Variants in PALLD observed in about 807,000 individuals in gnomAD.
The protein encoded by PALLD is palladin, cytoskeletal associated protein.
PALLD carries 61 observed loss-of-function variants against 123.5 expected under a neutral mutation model. The observed-to-expected ratio is 0.49, with a 90% CI of 0.40 to 0.61. The LOEUF (loss-of-function observed/expected upper bound fraction) is 0.61. Among genes scored for constraint, PALLD ranks in the 20% least tolerant of loss-of-function variants. The pLI, the probability that PALLD is intolerant of heterozygous loss-of-function variation, is 0.00. For missense variants in PALLD, 1,273 were observed against 1,377.0 expected, an observed-to-expected ratio of 0.92 and a Z score of 1.20; for synonymous variants, 465 against 496.4, an observed-to-expected ratio of 0.94 and a Z score of 0.84.
At chr4:168,750,984 A>ATG (rs56827421) in intron 10 of PALLD, among the ~76,000 whole-genome samples, 20,993 of 148,370 alleles carry the variant, frequency 0.14, 1,887 homozygotes, top group East Asian at 0.35. Flanking sequence ...TATTTTATAT[A>ATG]TGTGTGTGTG....
intron 2 of PALLD, among the ~76,000 whole-genome samples, chr4:168,667,388 T>G (rs1239261882): frequency 6.6e-6 from 1 of 152,218 alleles, no homozygotes; most frequent in East Asian, 1.9e-4. Context: ...TTGGGGTTTT[T>G]TTAGGGCAGC....
chr4:168,611,117 C>T (rs560009532), intron 2 of PALLD, among the ~76,000 whole-genome samples: 27 of 152,272 alleles, frequency 1.8e-4, no homozygotes, highest in African/African-American at 6.0e-4. Flanking sequence ...TCACTGGGGA[C>T]CAGGCCCTTC....
At chr4:168,801,832 C>T (rs1250078720) in intron 10 of PALLD, among the ~76,000 whole-genome samples, 3 of 152,190 alleles carry the variant, frequency 2.0e-5, no homozygotes, top group Non-Finnish European at 4.4e-5. Flanking sequence ...ATAACACCAG[C>T]TCTAGGACAT....
At chr4:168,511,008 A>C (rs539381425) in intron 1 of PALLD, among the ~76,000 whole-genome samples, 1 of 152,358 alleles carries the variant, frequency 6.6e-6, no homozygotes, top group East Asian at 1.9e-4. Flanking sequence ...ACTATAAATA[A>C]ATGAAAATTG....
chr4:168,519,681 A>AAC (rs10544686), intron 2 of PALLD, among the ~76,000 whole-genome samples: 104 of 151,316 alleles, frequency 6.9e-4, no homozygotes, highest in Middle Eastern at 3.4e-3. Context: ...ATTAGGCACA[A>AAC]ACACACACAC....
rs764883803 is a variant in PALLD at position 168,683,122 on chromosome 4, A to G, written c.1260+19A>G. 5.6e-6 allele frequency: 8 copies of G among 1,434,148 alleles called. No homozygotes were observed. The South Asian group carries it at 5.8e-5, about 10-fold the overall frequency. 88.8% of individuals were successfully genotyped at this position (1,434,148 alleles called of 1,614,324 possible). ...GCAACAGGTAAGTATGCTTTGAGCC[A>G]GAGCCCATAAGGGGTCGAACTCATC... On this transcript the variant is annotated intron_variant, in intron 5 of 21. Coordinates refer to ENST00000505667, the MANE Select transcript of PALLD (RefSeq NM_001166108.2).
At chr4:168,836,760 G>A (rs1745258297) in intron 10 of PALLD, among the ~76,000 whole-genome samples, 1 of 152,166 alleles carries the variant, frequency 6.6e-6, no homozygotes. Context: ...CTTTCAGATG[G>A]GTTGTGTTCT....
chr4:168,600,552 T>C (rs1772539442), intron 2 of PALLD, among the ~76,000 whole-genome samples: 1 of 152,156 alleles, frequency 6.6e-6, no homozygotes, highest in African/African-American at 2.4e-5. Flanking sequence ...AGCTTTTAGG[T>C]GAGGTCTTGT....
intron 2 of PALLD, among the ~76,000 whole-genome samples, chr4:168,538,814 T>C (rs987794060): frequency 2.6e-5 from 4 of 152,184 alleles, no homozygotes; most frequent in African/African-American, 9.7e-5. Flanking sequence ...GGCTTTCCCA[T>C]TGTGCAAGTG....
intron 14 of PALLD, 89 bp downstream of exon 14, chr4:168,898,803 T>C: frequency 1.2e-6 from 1 of 833,476 alleles, no homozygotes; most frequent in Non-Finnish European, 2.1e-6. Flanking sequence ...GAGAAAGAGA[T>C]ACAAATGATC....
At chr4:168,910,220 C>CTTTTTTT (rs70961563) in intron 15 of PALLD, among the ~76,000 whole-genome samples, 1 of 114,010 alleles carries the variant, frequency 8.8e-6, no homozygotes, top group Non-Finnish European at 1.8e-5. Flanking sequence ...AACCTGTTTA[C>CTTTTTTT]TTTTTTTTTT....
chr4:168,512,183 C>A lies in PALLD; in HGVS notation c.679C>A (p.Gln227Lys). 1 of 1,613,806 alleles carries A rather than the reference C, an allele frequency of 6.2e-7. No homozygotes were observed. Among genetic ancestry groups the A allele is most frequent in the Non-Finnish European group, 8.5e-7 (1 of 1,179,816 alleles). ...ASASQSPMED[Q>K]GEMEREVKSP... The stretch of plus-strand genomic sequence containing the variant: ...AGCCAGCCAGAGCCCTATGGAAGAC[C>A]AAGGGGAGATGGAAAGAGAGGTCAA... The change falls in exon 2 of 22, where the codon CAA becomes AAA. Residue 227 changes from glutamine (Q) to lysine (K), a missense_variant. This residue lies in a region of PALLD where 944 missense variants were observed against 954.5 expected (regional missense o/e 0.99). Transcript: ENST00000505667.
At chr4:168,826,912 C>T (rs1402797987) in intron 10 of PALLD, among the ~76,000 whole-genome samples, 1 of 152,222 alleles carries the variant, frequency 6.6e-6, no homozygotes, top group African/African-American at 2.4e-5. Flanking sequence ...GACATGCCTT[C>T]ACTAGATGAT....
chr4:168,674,479 A>G (rs1451404637), intron 3 of PALLD, among the ~76,000 whole-genome samples: 1 of 152,142 alleles, frequency 6.6e-6, no homozygotes, highest in Non-Finnish European at 1.5e-5. Context: ...TTGCCAGCAA[A>G]CAAGATAAGA....
intron 2 of PALLD, among the ~76,000 whole-genome samples, chr4:168,574,412 T>A (rs1051887218): frequency 1.3e-5 from 2 of 152,288 alleles, no homozygotes; most frequent in South Asian, 4.1e-4. Context: ...TTCTTACTTG[T>A]CTTCTTTTCT....
chr4:168,711,637 C>T lies in PALLD; in HGVS notation c.1678C>T (p.Gln560Ter). The T allele has an allele frequency of 6.2e-7, 1 of 1,614,116 alleles. No individual in the cohort carries two copies. Among genetic ancestry groups the T allele is most frequent in the Non-Finnish European group, 8.5e-7 (1 of 1,179,998 alleles). ...SMGESNNDHF[Q>*]HFPPPPPILE... ...GGGAGAATCCAACAATGACCACTTCCAACACTTTCCACCTCCCCCTCCAAT... is the reference window on the plus strand; with the variant it reads ...GGGAGAATCCAACAATGACCACTTCTAACACTTTCCACCTCCCCCTCCAAT... Residue 560 changes from glutamine (Q) to a stop codon, truncating the protein, a stop_gained, in exon 10 of 22, where the codon CAA becomes TAA. Transcript: ENST00000505667. LOFTEE classifies it high-confidence loss of function.
At position 168,665,061 on chromosome 4, in the gene PALLD, A is replaced by G. The variant is rs1223892195; in HGVS notation, c.909-3129A>G. 2.6e-5 allele frequency among the ~76,000 whole-genome samples: 4 copies of G among 152,334 alleles called. No homozygotes were observed. The East Asian group carries it at 7.7e-4, about 29-fold the overall frequency. The stretch of plus-strand genomic sequence containing the variant: ...TAATGATTGTGTTAAAAAATATTTC[A>G]CAAAATGATGTAGAAAATTCTTTGA... On this transcript the variant is annotated intron_variant, in intron 2 of 21. Coordinates refer to ENST00000505667, the MANE Select transcript of PALLD (RefSeq NM_001166108.2).
At chr4:168,691,341 A>T in intron 8 of PALLD, 49 bp downstream of exon 8, 1 of 1,502,632 alleles carries the variant, frequency 6.7e-7, no homozygotes, top group East Asian at 2.3e-5. Flanking sequence ...GGAGCAGATA[A>T]TGTATCTTTT....
Position 168,628,627 on chromosome 4 carries a change from G to A in PALLD, c.909-39563G>A, listed in dbSNP as rs1052414415. 3.9e-5 allele frequency among the ~76,000 whole-genome samples: 6 copies of A among 152,200 alleles called. No individual in the cohort carries two copies. In the South Asian group the frequency reaches 1.0e-3, roughly 26 times the overall value. On this transcript the variant is annotated intron_variant, in intron 2 of 21. Transcript: ENST00000505667. Reference sequence around the variant, plus strand: ...ACCATGATCAAGTCTTTGCTCACACGTCACTGTCTCAAGAAAGCTGCCCCT... The same window carrying A: ...ACCATGATCAAGTCTTTGCTCACACATCACTGTCTCAAGAAAGCTGCCCCT...
Sources: gnomAD v4.1 joint callset for allele counts (sites outside exome capture counted in the v4.1 genomes callset) on GRCh38, gnomAD v4.1.1 for gene constraint, gnomAD v4.1.1 regional missense constraint, MANE v1.5 for transcripts, NCBI Gene and HGNC (gene_info 2026-07-23, HGNC 2026-07-21) for gene names.